YME1L1: variants seen among roughly 807,000 people sequenced by gnomAD.
YME1L1 encodes the protein ATP-dependent zinc metalloprotease YME1L1.
YME1L1 carries 39 observed loss-of-function variants against 90.4 expected under a neutral mutation model. That is an observed-to-expected ratio of 0.43 (90% CI 0.33 to 0.56). The LOEUF (loss-of-function observed/expected upper bound fraction) is 0.56. YME1L1 is among the 20% of genes least tolerant of loss of function. The probability of loss-of-function intolerance (pLI) is 0.03; values close to 1 mark genes in which losing one functional copy is unlikely to be tolerated. For missense variants in YME1L1, 617 were observed against 868.4 expected (o/e 0.71, Z 3.64); for synonymous variants, 284 against 287.3 (o/e 0.99, Z 0.12).
chr10:27,145,859 T>A (rs1588614645), intron 2 of YME1L1: 1 of 127,040 alleles, frequency 7.9e-6, no homozygotes, highest in Non-Finnish European at 1.4e-5. Flanking sequence ...GAGAAAAACT[T>A]TTTTTTTTTT....
Position 27,114,505 on chromosome 10 carries a change from CA to C in YME1L1, c.2007+15del. Reference sequence around the variant, plus strand: ...TTGTTCCTAAGAAAATAAATAAGCACAAAAAATATTATTACCCTTAGAAGGA... The same window carrying C: ...TTGTTCCTAAGAAAATAAATAAGCACAAAAATATTATTACCCTTAGAAGGA... On this transcript the variant is annotated intron_variant, in intron 18 of 18. Transcript: ENST00000376016. 6.3e-7 allele frequency: 1 copy of C among 1,596,776 alleles called. No individual in the cohort carries two copies.
At chr10:27,149,936 A>G (rs184704755) in intron 1 of YME1L1, among the ~76,000 whole-genome samples, 311 of 151,514 alleles carry the variant, frequency 2.1e-3, no homozygotes, top group African/African-American at 7.3e-3. Flanking sequence ...ATTGGCCAGG[A>G]ATGGTGTTGG....
At chr10:27,146,856 T>A (rs1376489314) in intron 2 of YME1L1, 2 of 155,616 alleles carry the variant, frequency 1.3e-5, no homozygotes, top group East Asian at 3.8e-4. Flanking sequence ...AACATAACTA[T>A]AAAATACACC....
intron 12 of YME1L1, 144 bp downstream of exon 12, chr10:27,121,242 T>G: frequency 1.7e-6 from 1 of 598,844 alleles, no homozygotes; most frequent in Admixed American, 2.5e-5. Flanking sequence ...GCTAACCCAA[T>G]TTGTCTCTGT....
At chr10:27,153,452 C>A (rs146889924) in intron 1 of YME1L1, among the ~76,000 whole-genome samples, 15 of 152,152 alleles carry the variant, frequency 9.9e-5, no homozygotes, top group African/African-American at 3.4e-4. Context: ...TAGGAACTCT[C>A]AAAAAATCTA....
intron 2 of YME1L1, chr10:27,147,389 GGCT>G (rs747627051): frequency 1.3e-6 from 2 of 1,576,134 alleles, no homozygotes; most frequent in South Asian, 2.2e-5. Flanking sequence ...TGAGAGAGAA[GGCT>G]GATGGAACAA....
intron 18 of YME1L1, among the ~76,000 whole-genome samples, chr10:27,112,588 T>C (rs1366137167): frequency 6.6e-6 from 1 of 152,192 alleles, no homozygotes; most frequent in Non-Finnish European, 1.5e-5. Context: ...AATGCACTCT[T>C]CCTATTCTGT....
At chr10:27,137,291 G>C (rs183059815) in intron 4 of YME1L1, among the ~76,000 whole-genome samples, 6 of 151,920 alleles carry the variant, frequency 3.9e-5, no homozygotes, top group African/African-American at 7.3e-5. Context: ...TTCATTTTTC[G>C]TGCATATTTT....
chr10:27,151,446 T>C (rs938393183), intron 1 of YME1L1, among the ~76,000 whole-genome samples: 2 of 152,250 alleles, frequency 1.3e-5, no homozygotes, highest in African/African-American at 4.8e-5. Flanking sequence ...GCCATTATTG[T>C]GGGTACAGAC....
chr10:27,139,523 CTCTA>C (rs67353749), intron 4 of YME1L1, among the ~76,000 whole-genome samples: 12,715 of 152,116 alleles, frequency 0.084, 727 homozygotes, highest in East Asian at 0.28. Context: ...AAATAGGGAA[CTCTA>C]TCTTTTTCTT....
chr10:27,143,660 T>C (rs2057113845), intron 3 of YME1L1, among the ~76,000 whole-genome samples: 1 of 142,398 alleles, frequency 7.0e-6, no homozygotes. Context: ...ATTGCCCCAC[T>C]GCACTCCAGC....
At chr10:27,153,975 C>A (rs1284485204) in intron 1 of YME1L1, among the ~76,000 whole-genome samples, 1 of 152,186 alleles carries the variant, frequency 6.6e-6, no homozygotes, top group African/African-American at 2.4e-5. Flanking sequence ...CCGCCTCTGC[C>A]CTCAACAGCT....
chr10:27,114,698 C>A, intron 17 of YME1L1, 91 bp from the exon 18 acceptor site: 1 of 886,086 alleles, frequency 1.1e-6, no homozygotes, highest in South Asian at 1.7e-5. Context: ...TATAAGGAAA[C>A]AAATATATGG....
chr10:27,112,378 T>A (rs1189383973), intron 18 of YME1L1, among the ~76,000 whole-genome samples: 1 of 152,172 alleles, frequency 6.6e-6, no homozygotes, highest in Non-Finnish European at 1.5e-5. Context: ...ATACAAACTT[T>A]CTGTATCCTT....
intron 4 of YME1L1, 67 bp from the exon 5 acceptor site, chr10:27,136,452 C>G: frequency 7.5e-7 from 1 of 1,332,386 alleles, no homozygotes; most frequent in Non-Finnish European, 1.1e-6. Context: ...GCCTAAGATT[C>G]TAAAGTCTGA....
At chr10:27,151,011 C>T (rs947228349) in intron 1 of YME1L1, among the ~76,000 whole-genome samples, 13 of 151,096 alleles carry the variant, frequency 8.6e-5, no homozygotes, top group African/African-American at 3.2e-4. Flanking sequence ...CTGCAACCAC[C>T]GCCTCCTGGG....
At chr10:27,131,531 T>C (rs541730169) in intron 8 of YME1L1, among the ~76,000 whole-genome samples, 1 of 152,346 alleles carries the variant, frequency 6.6e-6, no homozygotes, top group African/African-American at 2.4e-5. Context: ...GTCAAGCACA[T>C]ACATTATCTG....
Position 27,122,871 on chromosome 10 carries a change from G to T in YME1L1, c.1205C>A (p.Thr402Asn). Residue 402 changes from threonine (T) to asparagine (N), a missense_variant, in exon 11 of 19, where the codon ACC (threonine) becomes AAC (asparagine). Thr to Asn is a moderately conservative substitution (Grantham distance 65). Transcript: ENST00000376016. ...CATTTCAGCAAGAAGTTGATTTATG[G>T]TCTGCCTTGAATATGGATGCATTGG... ...ESPMHPYSRQ[T>N]INQLLAEMDG... The T allele has an allele frequency of 6.2e-7, 1 of 1,613,304 alleles. No individual in the cohort carries two copies. The highest frequency in any genetic ancestry group is 1.1e-5 in the South Asian group (1 of 91,020).
At chr10:27,130,819 C>T (rs1392637896) in intron 8 of YME1L1, among the ~76,000 whole-genome samples, 1 of 152,206 alleles carries the variant, frequency 6.6e-6, no homozygotes, top group African/African-American at 2.4e-5. Flanking sequence ...CGCCATTGCA[C>T]GCCAGCTTGG....
Sources: gnomAD v4.1 joint callset for allele counts (sites outside exome capture counted in the v4.1 genomes callset) on GRCh38, gnomAD v4.1.1 for gene constraint, MANE v1.5 for transcripts, NCBI Gene and HGNC (gene_info 2026-07-23, HGNC 2026-07-21) for gene names.